RUNX2: variants seen among roughly 807,000 people sequenced by gnomAD.
The protein encoded by RUNX2 is RUNX family transcription factor 2.
In RUNX2, 10 loss-of-function variants were observed where a neutral mutation model predicts 51.7. The observed-to-expected ratio is 0.19, with a 90% CI of 0.12 to 0.33. The LOEUF (loss-of-function observed/expected upper bound fraction) is 0.33. Ranked by LOEUF, RUNX2 falls within the 10% of genes least tolerant of loss-of-function variation. The probability of loss-of-function intolerance (pLI) is 1.00; values close to 1 mark genes in which losing one functional copy is unlikely to be tolerated. For missense variants in RUNX2, 562 were observed against 691.3 expected (o/e 0.81, Z 2.10); for synonymous variants, 276 against 273.6 (o/e 1.01, Z -0.09).
intron 2 of RUNX2, among the ~76,000 whole-genome samples, chr6:45,394,751 G>C (rs1477394269): frequency 6.6e-6 from 1 of 152,158 alleles, no homozygotes; most frequent in Non-Finnish European, 1.5e-5. Context: ...CTGGAGTTGG[G>C]TATTTTACTT....
intron 5 of RUNX2, among the ~76,000 whole-genome samples, chr6:45,469,355 T>A (rs1345180257): frequency 1.3e-5 from 2 of 152,250 alleles, no homozygotes; most frequent in African/African-American, 4.8e-5. Flanking sequence ...AAAGAAAAGG[T>A]TGGTTTTTAT....
intron 4 of RUNX2, among the ~76,000 whole-genome samples, chr6:45,433,826 C>T (rs957626037): frequency 1.1e-4 from 16 of 152,120 alleles, no homozygotes; most frequent in East Asian, 5.8e-4. Flanking sequence ...AGACTTTTCA[C>T]GCATGGAAGA....
At chr6:45,512,119 A>C in intron 6 of RUNX2, 127 bp from the exon 7 acceptor site, 3 of 721,672 alleles carry the variant, frequency 4.2e-6, no homozygotes, top group Non-Finnish European at 6.9e-6. Flanking sequence ...CTTATATATT[A>C]TATATATATA....
At chr6:45,480,839 G>A (rs116282515) in intron 5 of RUNX2, among the ~76,000 whole-genome samples, 334 of 152,198 alleles carry the variant, frequency 2.2e-3, no homozygotes, top group South Asian at 0.015. Context: ...GAAATTCTCC[G>A]CCTCCTTTTT....
At chr6:45,477,128 G>A (rs549249313) in intron 5 of RUNX2, among the ~76,000 whole-genome samples, 2 of 152,268 alleles carry the variant, frequency 1.3e-5, no homozygotes, top group Admixed American at 6.5e-5. Flanking sequence ...ATTCAGAACC[G>A]TTTCAGTGGC....
chr6:45,350,599 T>C (rs1005328752), intron 2 of RUNX2, among the ~76,000 whole-genome samples: 2 of 151,978 alleles, frequency 1.3e-5, no homozygotes, highest in African/African-American at 4.8e-5. Flanking sequence ...GAGGGAAAAA[T>C]AGGGGGATGA....
At chr6:45,509,196 C>T (rs1370959170) in intron 6 of RUNX2, among the ~76,000 whole-genome samples, 1 of 152,170 alleles carries the variant, frequency 6.6e-6, no homozygotes, top group East Asian at 1.9e-4. Context: ...TCAGGCAGGG[C>T]CTTCACCATG....
At chr6:45,545,774 CT>C (rs1198768142) in intron 8 of RUNX2, among the ~76,000 whole-genome samples, 1 of 152,236 alleles carries the variant, frequency 6.6e-6, no homozygotes, top group Non-Finnish European at 1.5e-5. Flanking sequence ...TAAACCCAAT[CT>C]TTAAAGGTCA....
At position 45,422,245 on chromosome 6, in the gene RUNX2, G is replaced by C. The variant is rs978065391; in HGVS notation, c.59-348G>C. On this transcript the variant is annotated intron_variant, in intron 2 of 8. Coordinates refer to ENST00000647337, the MANE Select transcript of RUNX2 (RefSeq NM_001024630.4). ...GCCCCAAGGGACCCCATTCCAAGCT[G>C]CAAACTCAAGTCCCCCGCCTCCCCA... 8.3e-5 allele frequency: 23 copies of C among 278,452 alleles called. No homozygotes were observed. The Admixed American group carries it at 1.2e-3, about 15-fold the overall frequency. 17.2% of individuals were successfully genotyped at this position (278,452 alleles called of 1,614,324 possible).
chr6:45,490,220 G>C (rs1582166981), intron 5 of RUNX2, among the ~76,000 whole-genome samples: 1 of 152,186 alleles, frequency 6.6e-6, no homozygotes, highest in Admixed American at 6.5e-5. Context: ...AAGTCCTCTA[G>C]GGATCTAAAA....
intron 7 of RUNX2, among the ~76,000 whole-genome samples, chr6:45,519,016 T>C (rs1276934074): frequency 6.6e-6 from 1 of 152,206 alleles, no homozygotes; most frequent in Non-Finnish European, 1.5e-5. Context: ...AGTGGTCCTA[T>C]GTTAATGAAT....
intron 2 of RUNX2, chr6:45,365,416 ATTTGT>A (rs1563031595): frequency 1.4e-6 from 1 of 692,880 alleles, no homozygotes. Context: ...TAAATTTCTG[ATTTGT>A]TTTGCACAAA....
In RUNX2 at chr6:45,422,728, AACAG is replaced by A. The variant is rs1324441505; in HGVS notation, c.195_198del (p.Gln65HisfsTer78). 7.6e-6 allele frequency: 12 copies of A among 1,585,306 alleles called. No homozygotes were observed. The highest frequency in any genetic ancestry group is 3.5e-5 in the Admixed American group (2 of 56,682). Reference sequence around the variant, plus strand: ...CAGCAACAGCAGCAGCAGCAGCAGCAACAGCAGCAGCAGCAGCAGGAGGCGGCGG... The same window carrying A: ...CAGCAACAGCAGCAGCAGCAGCAGCACAGCAGCAGCAGCAGGAGGCGGCGG... On this transcript the variant is annotated frameshift_variant, in exon 3 of 9. Coordinates refer to ENST00000647337, the MANE Select transcript of RUNX2 (RefSeq NM_001024630.4). LOFTEE classifies it high-confidence loss of function.
chr6:45,336,870 T>C (rs1247731516), intron 2 of RUNX2, among the ~76,000 whole-genome samples: 1 of 151,644 alleles, frequency 6.6e-6, no homozygotes, highest in Admixed American at 6.6e-5. Context: ...TTAATTTTTT[T>C]GATCCAGAAA....
chr6:45,538,010 C>T (rs564951571), intron 7 of RUNX2, among the ~76,000 whole-genome samples: 3 of 152,272 alleles, frequency 2.0e-5, no homozygotes, highest in East Asian at 1.9e-4. Flanking sequence ...ATATAAATAA[C>T]GTTTTAACTT....
Position 45,546,989 on chromosome 6 carries a change from A to G in RUNX2, c.1250A>G (p.His417Arg). The G allele has an allele frequency of 2.5e-6, 4 of 1,613,810 alleles. No individual in the cohort carries two copies. The highest frequency in any genetic ancestry group is 3.4e-6 in the Non-Finnish European group (4 of 1,179,952). Residue 417 changes from histidine (H) to arginine (R), a missense_variant, in exon 9 of 9, where the codon CAC (histidine) becomes CGC (arginine). By Grantham distance (29) the His-to-Arg change is conservative (BLOSUM62 0). Coordinates refer to ENST00000647337, the MANE Select transcript of RUNX2 (RefSeq NM_001024630.4). ...TCCCTCGGTATGTCCGCCACCACTC[A>G]CTACCACACCTACCTGCCACCACCC... Reference protein sequence around the residue: ...GMSLGMSATTHYHTYLPPPYP... With the variant: ...GMSLGMSATTRYHTYLPPPYP...
At chr6:45,356,216 A>C (rs1793137916) in intron 2 of RUNX2, among the ~76,000 whole-genome samples, 2 of 152,144 alleles carry the variant, frequency 1.3e-5, no homozygotes, top group South Asian at 2.1e-4. Flanking sequence ...TTTCACAGCT[A>C]AGGTTTTTTT....
At chr6:45,464,713 C>G (rs1357197060) in intron 5 of RUNX2, among the ~76,000 whole-genome samples, 3 of 152,200 alleles carry the variant, frequency 2.0e-5, no homozygotes, top group African/African-American at 7.2e-5. Context: ...GTAGCCTGTT[C>G]ATTCACTTTT....
intron 2 of RUNX2, among the ~76,000 whole-genome samples, chr6:45,412,768 G>C (rs370749063): frequency 6.6e-6 from 1 of 151,646 alleles, no homozygotes. Context: ...TTTCTGAGAC[G>C]GAGTCTCGCT....
Sources: allele counts gnomAD v4.1 joint callset (sites outside exome capture counted in the v4.1 genomes callset), GRCh38; gene constraint gnomAD v4.1.1; transcripts MANE v1.5; gene names NCBI Gene and HGNC (gene_info 2026-07-23, HGNC 2026-07-21).